Variants in CRYBG1 observed in about 807,000 individuals in gnomAD.
CRYBG1 encodes the protein crystallin beta-gamma domain containing 1.
A neutral mutation model predicts 189.2 loss-of-function variants in CRYBG1; 139 were observed. The ratio of observed to expected loss-of-function variants is 0.73; its 90% CI spans 0.64 to 0.85. The LOEUF is 0.85. CRYBG1 is among the 40% of genes least tolerant of loss of function. The pLI is 0.00. For missense variants in CRYBG1, 2,611 were observed against 2,675.8 expected, an observed-to-expected ratio of 0.98 and a Z score of 0.53; for synonymous variants, 1,023 against 1,017.1, an observed-to-expected ratio of 1.01 and a Z score of -0.11.
At chr6:106,425,237 T>G (rs1048469413) in intron 1 of CRYBG1, among the ~76,000 whole-genome samples, 1 of 152,162 alleles carries the variant, frequency 6.6e-6, no homozygotes, top group Non-Finnish European at 1.5e-5. Flanking sequence ...GAGTAACACC[T>G]GAGCCACCCT....
rs1770248435 is a variant in CRYBG1 at position 106,379,632 on chromosome 6, C to A, written c.173+18551C>A. 2.0e-5 allele frequency among the ~76,000 whole-genome samples: 3 copies of A among 152,098 alleles called. No individual in the cohort carries two copies. In the South Asian group the frequency reaches 6.2e-4, roughly 32 times the overall value. ...TGAAGTGCAGTATACGATCACAGCTCACTGAAGCCTCTAATTCCTGGGCTC... is the reference window on the plus strand; with the variant it reads ...TGAAGTGCAGTATACGATCACAGCTAACTGAAGCCTCTAATTCCTGGGCTC... On this transcript the variant is annotated intron_variant, in intron 1 of 21. Transcript: ENST00000633556.
At chr6:106,513,105 G>C in intron 3 of CRYBG1, 66 bp downstream of exon 3, 1 of 1,517,134 alleles carries the variant, frequency 6.6e-7, no homozygotes. Flanking sequence ...CGCTCTGAGA[G>C]GCTCGGGGTA....
intron 1 of CRYBG1, among the ~76,000 whole-genome samples, chr6:106,381,547 G>A (rs896423928): frequency 6.6e-6 from 1 of 152,218 alleles, no homozygotes; most frequent in African/African-American, 2.4e-5. Flanking sequence ...AAGTATAGAT[G>A]TAATTTAGGA....
chr6:106,497,315 T>G (rs1772873539), intron 2 of CRYBG1, among the ~76,000 whole-genome samples: 1 of 152,186 alleles, frequency 6.6e-6, no homozygotes, highest in African/African-American at 2.4e-5. Flanking sequence ...AAGGATAATT[T>G]TATAGAATAT....
chr6:106,439,517 G>T (rs765144899), intron 1 of CRYBG1, among the ~76,000 whole-genome samples: 1 of 152,110 alleles, frequency 6.6e-6, no homozygotes, highest in African/African-American at 2.4e-5. Flanking sequence ...CCTTCGTCTT[G>T]ACTGCAGGAA....
intron 2 of CRYBG1, among the ~76,000 whole-genome samples, chr6:106,464,957 G>A (rs958298998): frequency 1.3e-5 from 2 of 151,944 alleles, no homozygotes; most frequent in South Asian, 2.1e-4. Context: ...TTTTAAAATG[G>A]CACTTATCTA....
At chr6:106,468,604 C>T (rs375503641) in intron 2 of CRYBG1, among the ~76,000 whole-genome samples, 1 of 152,030 alleles carries the variant, frequency 6.6e-6, no homozygotes, top group Non-Finnish European at 1.5e-5. Context: ...GTAGGAAGAC[C>T]AATTGAACCC....
intron 2 of CRYBG1, among the ~76,000 whole-genome samples, chr6:106,493,304 T>C (rs189694448): frequency 2.0e-5 from 3 of 152,170 alleles, no homozygotes; most frequent in Admixed American, 1.3e-4. Context: ...CAATAAGATA[T>C]CACCTCACAT....
At chr6:106,457,006 A>G (rs993490745) in intron 2 of CRYBG1, 1 of 152,188 alleles carries the variant, frequency 6.6e-6, no homozygotes, top group Non-Finnish European at 1.5e-5. Context: ...AAATCATCCT[A>G]CAAGAAGTAA....
In CRYBG1 at chr6:106,422,629, C is replaced by A. The variant is rs528167097; in HGVS notation, c.174-29065C>A. ...GGATTATAGGTGTGGGCCACCCCATCTGACCTATTTGTTCAAGAATTTTAA... is the reference window on the plus strand; with the variant it reads ...GGATTATAGGTGTGGGCCACCCCATATGACCTATTTGTTCAAGAATTTTAA... On this transcript the variant is annotated intron_variant, in intron 1 of 21. Coordinates refer to ENST00000633556, the MANE Select transcript of CRYBG1 (RefSeq NM_001371242.2). 1.0e-3 allele frequency among the ~76,000 whole-genome samples: 152 copies of A among 152,306 alleles called. 1 individual carries two copies. Among genetic ancestry groups the A allele is most frequent in the African/African-American group, 3.2e-3 (131 of 41,564 alleles).
chr6:106,502,786 G>C (rs1332791418), intron 2 of CRYBG1, among the ~76,000 whole-genome samples: 1 of 151,860 alleles, frequency 6.6e-6, no homozygotes, highest in East Asian at 1.9e-4. Flanking sequence ...TATTTACAAA[G>C]TGTGGGCGAG....
chr6:106,493,305 C>T (rs2114496540), intron 2 of CRYBG1, among the ~76,000 whole-genome samples: 1 of 152,274 alleles, frequency 6.6e-6, no homozygotes, highest in East Asian at 1.9e-4. Context: ...AATAAGATAT[C>T]ACCTCACATC....
intron 1 of CRYBG1, among the ~76,000 whole-genome samples, chr6:106,445,424 G>T (rs986024126): frequency 1.3e-5 from 2 of 152,012 alleles, no homozygotes; most frequent in African/African-American, 4.8e-5. Context: ...GGTATGGTTG[G>T]GTCACTAGAT....
At chr6:106,552,853 T>C (rs993245219) in intron 15 of CRYBG1, among the ~76,000 whole-genome samples, 4 of 152,334 alleles carry the variant, frequency 2.6e-5, no homozygotes, top group African/African-American at 9.6e-5. Context: ...ATTGTGATGG[T>C]AAAATGAATT....
At chr6:106,565,321 A>AG (rs1774850379) in intron 21 of CRYBG1, among the ~76,000 whole-genome samples, 1 of 1,466 alleles carries the variant, frequency 6.8e-4, no homozygotes, top group Non-Finnish European at 0.042. Flanking sequence ...ACTTCGTCTC[A>AG]AAAAAAAAAA....
At position 106,403,747 on chromosome 6, in the gene CRYBG1, A is replaced by G. The variant is rs9386537; in HGVS notation, c.173+42666A>G. Among the ~76,000 whole-genome samples, 9 of 152,326 alleles carry G rather than the reference A, an allele frequency of 5.9e-5. No homozygotes were observed. The East Asian group carries it at 1.7e-3, about 29-fold the overall frequency. On this transcript the variant is annotated intron_variant, in intron 1 of 21. Transcript: ENST00000633556. ...GTGGTCAAAATCAGTATGACTCATG[A>G]GTCATAAGTATGGTGTGAAAAACAC...
At position 106,543,564 on chromosome 6, in the gene CRYBG1, C is replaced by A. The variant is rs557753210; in HGVS notation, c.5006C>A (p.Thr1669Lys). 4 of 1,613,858 alleles carry A rather than the reference C, an allele frequency of 2.5e-6. No homozygotes were observed. In the African/African-American group the frequency reaches 5.3e-5, roughly 22 times the overall value. The change falls in exon 11 of 22, where the codon ACG (threonine) becomes AAG (lysine). Residue 1669 changes from threonine (T) to lysine (K), a missense_variant. Physicochemically the swap from Thr to Lys is moderately conservative, Grantham distance 78. Around this residue, in one of 3 missense-constraint regions of CRYBG1, gnomAD observed 1,622 missense variants for 1,735.0 expected, o/e 0.93. Transcript: ENST00000633556. ...ACTGGAGACGATCATTTGCCGTTTA[C>A]GTCAGTGGGGTCTATGAAAGTTCTA... The part of the protein sequence containing the change: ...EATGDDHLPF[T>K]SVGSMKVLRG...
chr6:106,530,298 GA>G lies in CRYBG1; in HGVS notation c.4704del (p.Val1569TyrfsTer7). On this transcript the variant is annotated frameshift_variant, in exon 8 of 22. Transcript: ENST00000633556. LOFTEE classifies it high-confidence loss of function. ...FGVMQKTCSM[K>X]VHWGTWLIYE... ...GTGTAATGCAGAAGACTTGTTCCAT[GA>G]AAGTACATTGGGGCACGTAAGTATT... The G allele has an allele frequency of 6.2e-7, 1 of 1,608,664 alleles. No homozygotes were observed. Among genetic ancestry groups the G allele is most frequent in the Non-Finnish European group, 8.5e-7 (1 of 1,177,820 alleles).
chr6:106,462,283 G>A (rs1305514733), intron 2 of CRYBG1, among the ~76,000 whole-genome samples: 1 of 152,092 alleles, frequency 6.6e-6, no homozygotes, highest in Non-Finnish European at 1.5e-5. Flanking sequence ...CCATTCTCCC[G>A]CCTCAGCCTC....
Sources: gnomAD v4.1 joint callset for allele counts (sites outside exome capture counted in the v4.1 genomes callset) on GRCh38, gnomAD v4.1.1 for gene constraint, gnomAD v4.1.1 regional missense constraint, MANE v1.5 for transcripts, NCBI Gene and HGNC (gene_info 2026-07-23, HGNC 2026-07-21) for gene names.